The following PDGFD variants were observed in gnomAD, a reference collection of about 807,000 sequenced individuals.
PDGFD encodes platelet derived growth factor D, also known as platelet-derived growth factor D.
A neutral mutation model predicts 44.7 loss-of-function variants in PDGFD; 30 were observed. That is an observed-to-expected ratio of 0.67 (90% CI 0.50 to 0.91). The LOEUF (loss-of-function observed/expected upper bound fraction) is 0.91, where lower values mean the gene tolerates loss of function less well. PDGFD is among the 40% of genes least tolerant of loss of function. The pLI, the probability that PDGFD is intolerant of heterozygous loss-of-function variation, is 0.00. For missense variants in PDGFD, 445 were observed against 457.8 expected (o/e 0.97, Z 0.25); for synonymous variants, 173 against 168.4 (o/e 1.03, Z -0.21).
At chr11:104,100,613 T>C (rs1861362913) in intron 1 of PDGFD, among the ~76,000 whole-genome samples, 2 of 151,994 alleles carry the variant, frequency 1.3e-5, no homozygotes, top group Non-Finnish European at 1.5e-5. Context: ...GCCAGCATCA[T>C]CCTGATACCA....
intron 2 of PDGFD, among the ~76,000 whole-genome samples, 153 bp downstream of exon 2, chr11:103,999,893 ATCTTG>A (rs145567604): frequency 0.17 from 26,382 of 152,082 alleles, 2,316 homozygotes; most frequent in Middle Eastern, 0.21. Context: ...AGTCTACGCT[ATCTTG>A]TCTGTTAGGG....
intron 5 of PDGFD, among the ~76,000 whole-genome samples, chr11:103,939,777 T>A (rs1208786277): frequency 6.6e-6 from 1 of 152,024 alleles, no homozygotes; most frequent in Non-Finnish European, 1.5e-5. Flanking sequence ...TTTTAAAAAA[T>A]TAACTTCTGG....
At chr11:103,938,101 T>C (rs1255625485) in intron 5 of PDGFD, among the ~76,000 whole-genome samples, 2 of 151,602 alleles carry the variant, frequency 1.3e-5, no homozygotes, top group African/African-American at 2.4e-5. Context: ...ATGGTATTTC[T>C]AGTTCTAGAT....
chr11:103,995,023 C>A (rs770479715), intron 3 of PDGFD, among the ~76,000 whole-genome samples: 31 of 151,932 alleles, frequency 2.0e-4, no homozygotes, highest in Non-Finnish European at 2.1e-4. Flanking sequence ...GGACTGTAAG[C>A]ACACACCACT....
At chr11:104,084,153 T>C (rs1333818970) in intron 1 of PDGFD, among the ~76,000 whole-genome samples, 1 of 152,106 alleles carries the variant, frequency 6.6e-6, no homozygotes, top group East Asian at 1.9e-4. Context: ...GGAACCACAG[T>C]GAATGGACAG....
chr11:104,053,668 A>G (rs1860576547), intron 1 of PDGFD, among the ~76,000 whole-genome samples: 1 of 152,216 alleles, frequency 6.6e-6, no homozygotes, highest in Non-Finnish European at 1.5e-5. Context: ...AACTATTTGG[A>G]ACATAGTTTG....
intron 2 of PDGFD, among the ~76,000 whole-genome samples, chr11:103,996,643 C>T (rs1859537419): frequency 6.6e-6 from 1 of 152,188 alleles, no homozygotes; most frequent in Non-Finnish European, 1.5e-5. Context: ...AATACCCACT[C>T]TGAATTAATT....
chr11:104,141,394 AT>A (rs1862083237), intron 1 of PDGFD, among the ~76,000 whole-genome samples: 1 of 135,584 alleles, frequency 7.4e-6, no homozygotes, highest in Non-Finnish European at 1.5e-5. Flanking sequence ...CAGAGATTTA[AT>A]TTAATTTTTT....
At chr11:103,921,975 CAAATAT>C (rs1436522186) in intron 6 of PDGFD, among the ~76,000 whole-genome samples, 1 of 151,394 alleles carries the variant, frequency 6.6e-6, no homozygotes, top group Non-Finnish European at 1.5e-5. Flanking sequence ...TGGAACATTG[CAAATAT>C]AGGTTATTCC....
chr11:104,135,168 TTTAACAC>T (rs1473329068), intron 1 of PDGFD, among the ~76,000 whole-genome samples: 13 of 100,582 alleles, frequency 1.3e-4, no homozygotes, highest in African/African-American at 4.4e-4. Context: ...ACATTTAACA[TTTAACAC>T]AGTTTCTGGC....
chr11:104,023,243 T>C (rs1038122890), intron 1 of PDGFD, among the ~76,000 whole-genome samples: 11 of 152,140 alleles, frequency 7.2e-5, no homozygotes, highest in Admixed American at 3.3e-4. Flanking sequence ...GAAAACGCCG[T>C]CTGAACAGTA....
intron 1 of PDGFD, among the ~76,000 whole-genome samples, chr11:104,071,806 T>A (rs988472805): frequency 1.3e-5 from 2 of 151,786 alleles, no homozygotes; most frequent in African/African-American, 2.4e-5. Context: ...ATTTATTTTT[T>A]ACTTTGTCCG....
intron 1 of PDGFD, among the ~76,000 whole-genome samples, chr11:104,111,985 C>T (rs1861565311): frequency 6.6e-6 from 1 of 152,114 alleles, no homozygotes; most frequent in African/African-American, 2.4e-5. Flanking sequence ...CAGTATCCTG[C>T]TTATTATACT....
chr11:103,954,133 A>G (rs1858800966), intron 3 of PDGFD, among the ~76,000 whole-genome samples: 1 of 152,244 alleles, frequency 6.6e-6, no homozygotes, highest in African/African-American at 2.4e-5. Flanking sequence ...ATTTTCAGAA[A>G]GGGTTTCTCC....
At chr11:104,124,695 T>C (rs1042899452) in intron 1 of PDGFD, among the ~76,000 whole-genome samples, 5 of 152,114 alleles carry the variant, frequency 3.3e-5, no homozygotes, top group Non-Finnish European at 7.4e-5. Context: ...CTTTTTAAAA[T>C]ATTGCCTCTA....
chr11:104,164,003 C>G lies in PDGFD; in HGVS notation c.-76G>C, dbSNP rs968656719. 8 of 1,430,004 alleles carry G rather than the reference C, an allele frequency of 5.6e-6. No individual in the cohort carries two copies. In the East Asian group the frequency reaches 1.9e-4, roughly 35 times the overall value. 88.6% of individuals were successfully genotyped at this position (1,430,004 alleles called of 1,614,324 possible). ...GCTCCCGGGACCGACGCCGCGCCGCCCTGCGCTCTCGCCGCCTGCGCTCGC... is the reference window on the plus strand; with the variant it reads ...GCTCCCGGGACCGACGCCGCGCCGCGCTGCGCTCTCGCCGCCTGCGCTCGC... On this transcript the variant is annotated 5_prime_UTR_variant, in exon 1 of 7. Coordinates refer to ENST00000393158, the MANE Select transcript of PDGFD (RefSeq NM_025208.5).
rs11821455 is a variant in PDGFD at position 104,148,278 on chromosome 11, G to T, written c.124+15526C>A. 5.3e-5 allele frequency among the ~76,000 whole-genome samples: 8 copies of T among 152,238 alleles called. No individual in the cohort carries two copies. The East Asian group carries it at 1.5e-3, about 29-fold the overall frequency. ...TCAGTCGATTTCAACACACTGAAAC[G>T]ATGAGATACAAAAACAGCTCTCATA... On this transcript the variant is annotated intron_variant, in intron 1 of 6. Coordinates refer to ENST00000393158, the MANE Select transcript of PDGFD (RefSeq NM_025208.5).
At chr11:103,995,186 C>T in intron 3 of PDGFD, among the ~76,000 whole-genome samples, 1 of 152,044 alleles carries the variant, frequency 6.6e-6, no homozygotes, top group Admixed American at 6.6e-5. Context: ...TGGCCTGTTG[C>T]TGCTTTTTAG....
chr11:104,083,553 T>G (rs1861077465), intron 1 of PDGFD, among the ~76,000 whole-genome samples: 1 of 152,148 alleles, frequency 6.6e-6, no homozygotes, highest in Non-Finnish European at 1.5e-5. Context: ...CATTACTAAT[T>G]GCACAGAAAA....
Sources: gnomAD v4.1 joint callset for allele counts (sites outside exome capture counted in the v4.1 genomes callset) on GRCh38, gnomAD v4.1.1 for gene constraint, MANE v1.5 for transcripts, NCBI Gene and HGNC (gene_info 2026-07-23, HGNC 2026-07-21) for gene names.